The following SRRM4 variants were observed in gnomAD, a reference collection of about 807,000 sequenced individuals.
SRRM4 encodes serine/arginine repetitive matrix protein 4.
Under a neutral mutation model 68.9 loss-of-function variants are expected in SRRM4, and 33 were observed. The ratio of observed to expected loss-of-function variants is 0.48; its 90% CI spans 0.36 to 0.64. The LOEUF is 0.64. SRRM4 is among the 30% of genes least tolerant of loss of function. The pLI, the probability that SRRM4 is intolerant of heterozygous loss-of-function variation, is 0.00. For missense variants in SRRM4, 817 were observed against 827.1 expected, an observed-to-expected ratio of 0.99 and a Z score of 0.15; for synonymous variants, 318 against 318.8, an observed-to-expected ratio of 1.00 and a Z score of 0.03.
chr12:119,097,135 A>C (rs1199575073), intron 1 of SRRM4, among the ~76,000 whole-genome samples: 1 of 152,176 alleles, frequency 6.6e-6, no homozygotes, highest in African/African-American at 2.4e-5. Flanking sequence ...AGTATTTTTT[A>C]AATGCGATAT....
chr12:119,023,344 T>G (rs559803109), intron 1 of SRRM4, among the ~76,000 whole-genome samples: 1 of 152,218 alleles, frequency 6.6e-6, no homozygotes, highest in Admixed American at 6.5e-5. Flanking sequence ...AACAGCTTAG[T>G]ACCTGAGAGG....
At chr12:119,026,967 G>A (rs985670577) in intron 1 of SRRM4, among the ~76,000 whole-genome samples, 1 of 152,188 alleles carries the variant, frequency 6.6e-6, no homozygotes, top group Non-Finnish European at 1.5e-5. Context: ...TTTTAGGAAT[G>A]GGAGAAGTCT....
At chr12:119,137,044 A>G (rs1368797999) in intron 8 of SRRM4, among the ~76,000 whole-genome samples, 3 of 152,128 alleles carry the variant, frequency 2.0e-5, no homozygotes, top group Non-Finnish European at 2.9e-5. Context: ...TAATTAGTGC[A>G]CTAAGGAAGA....
intron 1 of SRRM4, among the ~76,000 whole-genome samples, chr12:119,004,181 G>C (rs1217564436): frequency 6.6e-6 from 1 of 151,884 alleles, no homozygotes; most frequent in Non-Finnish European, 1.5e-5. Context: ...TAAGCTGCAG[G>C]TCCCACACAC....
intron 1 of SRRM4, among the ~76,000 whole-genome samples, chr12:119,010,853 A>G (rs1337719597): frequency 3.9e-5 from 6 of 152,250 alleles, no homozygotes; most frequent in African/African-American, 1.4e-4. Flanking sequence ...CAACAGTTGA[A>G]AAAATGCAGT....
intron 1 of SRRM4, among the ~76,000 whole-genome samples, chr12:119,016,915 C>T (rs1434467876): frequency 6.6e-6 from 1 of 152,174 alleles, no homozygotes; most frequent in African/African-American, 2.4e-5. Context: ...GTTTCTGCAC[C>T]TCAGTTTTCT....
intron 1 of SRRM4, among the ~76,000 whole-genome samples, chr12:119,016,155 A>G (rs1807389693): frequency 6.6e-6 from 1 of 152,208 alleles, no homozygotes; most frequent in Non-Finnish European, 1.5e-5. Flanking sequence ...TGCCAGAGCC[A>G]CCAGAAGCTG....
At chr12:119,096,310 G>T (rs1016735498) in intron 1 of SRRM4, among the ~76,000 whole-genome samples, 2 of 151,854 alleles carry the variant, frequency 1.3e-5, no homozygotes, top group African/African-American at 2.4e-5. Flanking sequence ...TGGGATTACA[G>T]GTGTGAGCCA....
At chr12:119,101,201 G>T (rs907030115) in intron 1 of SRRM4, among the ~76,000 whole-genome samples, 11 of 152,154 alleles carry the variant, frequency 7.2e-5, no homozygotes, top group African/African-American at 2.7e-4. Flanking sequence ...GGGTGAGCAG[G>T]GAGGGATGTT....
At position 118,981,849 on chromosome 12, in the gene SRRM4, G is replaced by GCGCCCCGGA. The variant is rs781666338; in HGVS notation, c.-25_-17dup. The GCGCCCCGGA allele has an allele frequency of 4.1e-5, 66 of 1,603,902 alleles. No homozygotes were observed. The highest frequency in any genetic ancestry group is 5.1e-5 in the Non-Finnish European group (60 of 1,175,010). ...AATCCACGTTTCAGCACTTTGGACA[G>GCGCCCCGGA]CGCCCCGGACGCCCCGGCCCCTTTG... On this transcript the variant is annotated 5_prime_UTR_variant, in exon 1 of 13. Coordinates refer to ENST00000267260, the MANE Select transcript of SRRM4 (RefSeq NM_194286.4).
At chr12:118,992,346 G>A (rs1241357565) in intron 1 of SRRM4, 1 of 152,168 alleles carries the variant, frequency 6.6e-6, no homozygotes, top group Non-Finnish European at 1.5e-5. Flanking sequence ...GCCCCCTCAG[G>A]GTCTCCTGTG....
chr12:119,122,784 T>G (rs1424344144), intron 6 of SRRM4, among the ~76,000 whole-genome samples: 3 of 152,176 alleles, frequency 2.0e-5, no homozygotes, highest in Admixed American at 1.3e-4. Flanking sequence ...TTTTTACCTG[T>G]GCATGGGTGG....
intron 12 of SRRM4, among the ~76,000 whole-genome samples, chr12:119,155,597 G>T (rs186871740): frequency 3.3e-5 from 5 of 152,302 alleles, no homozygotes; most frequent in Admixed American, 6.5e-5. Context: ...AGCCAGGCAT[G>T]GTGGTGTGCA....
chr12:119,063,374 T>C (rs1953826310), intron 1 of SRRM4, among the ~76,000 whole-genome samples: 1 of 152,200 alleles, frequency 6.6e-6, no homozygotes, highest in African/African-American at 2.4e-5. Context: ...TTCATGTTTA[T>C]ACTACATGTT....
chr12:119,010,306 G>A (rs1953441355), intron 1 of SRRM4, among the ~76,000 whole-genome samples: 1 of 152,224 alleles, frequency 6.6e-6, no homozygotes, highest in Non-Finnish European at 1.5e-5. Flanking sequence ...GCCCGCCTCA[G>A]CCTCCCAGAG....
At chr12:119,117,237 T>C (rs984888282) in intron 4 of SRRM4, among the ~76,000 whole-genome samples, 2 of 151,554 alleles carry the variant, frequency 1.3e-5, no homozygotes, top group Non-Finnish European at 2.9e-5. Context: ...GAAGCAGGAG[T>C]GACTCAGGGA....
intron 1 of SRRM4, among the ~76,000 whole-genome samples, chr12:119,075,278 G>A (rs1361431234): frequency 1.3e-5 from 2 of 152,080 alleles, no homozygotes; most frequent in East Asian, 1.9e-4. Context: ...AAAAAAATGA[G>A]CAAAGTAAAA....
At chr12:119,013,198 T>C (rs1181012129) in intron 1 of SRRM4, among the ~76,000 whole-genome samples, 1 of 152,150 alleles carries the variant, frequency 6.6e-6, no homozygotes, top group Non-Finnish European at 1.5e-5. Context: ...TTCTGTACCA[T>C]TTTGCCCCTC....
chr12:119,101,035 G>C (rs1954075171), intron 1 of SRRM4, among the ~76,000 whole-genome samples: 1 of 152,182 alleles, frequency 6.6e-6, no homozygotes, highest in Non-Finnish European at 1.5e-5. Context: ...TATTGACTGG[G>C]CTTGACTTGC....
Sources: gnomAD v4.1 joint callset for allele counts (sites outside exome capture counted in the v4.1 genomes callset) on GRCh38, gnomAD v4.1.1 for gene constraint, MANE v1.5 for transcripts, NCBI Gene and HGNC (gene_info 2026-07-23, HGNC 2026-07-21) for gene names.